Variants in TBC1D23 observed in about 807,000 individuals in gnomAD.
The protein encoded by TBC1D23 is TBC1 domain family member 23, also known as HCV non-structural protein 4A-transactivated protein 1.
TBC1D23 carries 55 observed loss-of-function variants against 91.4 expected under a neutral mutation model. The observed-to-expected ratio is 0.60, with a 90% CI of 0.48 to 0.75. The LOEUF is 0.75. TBC1D23 is among the 30% of genes least tolerant of loss of function. The pLI is 0.00. For missense variants in TBC1D23, 725 were observed against 836.1 expected (o/e 0.87, Z 1.64); for synonymous variants, 289 against 281.0 (o/e 1.03, Z -0.28).
intron 2 of TBC1D23, among the ~76,000 whole-genome samples, chr3:100,281,466 AATTG>A (rs1181682985): frequency 1.3e-5 from 2 of 152,364 alleles, no homozygotes; most frequent in East Asian, 1.9e-4. Flanking sequence ...ACATTAAAAA[AATTG>A]ATTGTGTAAA....
At chr3:100,284,541 A>C (rs1412296837) in intron 4 of TBC1D23, among the ~76,000 whole-genome samples, 3 of 152,132 alleles carry the variant, frequency 2.0e-5, no homozygotes, top group Non-Finnish European at 2.9e-5. Flanking sequence ...AGAAAGGTGA[A>C]ATATAGAGTG....
chr3:100,279,843 C>A, intron 2 of TBC1D23, 83 bp downstream of exon 2: 2 of 800,728 alleles, frequency 2.5e-6, no homozygotes, highest in Non-Finnish European at 4.0e-6. Context: ...GTCTTAGTTG[C>A]AGAAAACTTT....
At position 100,281,907 on chromosome 3, in the gene TBC1D23, G is replaced by A. The variant is rs2148854886; in HGVS notation, c.271+60G>A. The A allele has an allele frequency of 1.1e-5, 11 of 961,800 alleles. 1 individual carries two copies. The South Asian group carries it at 1.5e-4, about 13-fold the overall frequency. 59.6% of individuals were successfully genotyped at this position (961,800 alleles called of 1,614,324 possible). A position where few individuals can be genotyped will look rare whatever the true frequency, so the allele number is the denominator to read the frequency against. On this transcript the variant is annotated intron_variant, in intron 3 of 18. Coordinates refer to ENST00000394144, the MANE Select transcript of TBC1D23 (RefSeq NM_001199198.3). The stretch of plus-strand genomic sequence containing the variant: ...TTTTGGAAATAATTTTTGGGTTGAG[G>A]AATCACTCTTCAGAATAATCTTATA...
At chr3:100,272,471 AAAATGGCCATACTGCCC>A (rs1275944038) in intron 1 of TBC1D23, among the ~76,000 whole-genome samples, 1 of 152,132 alleles carries the variant, frequency 6.6e-6, no homozygotes, top group East Asian at 1.9e-4. Flanking sequence ...TAATATTGTT[AAAATGGCCATACTGCCC>A]AAAGCTGAAG....
At chr3:100,306,005 G>A (rs200674560) in intron 12 of TBC1D23, among the ~76,000 whole-genome samples, 13 of 152,130 alleles carry the variant, frequency 8.5e-5, no homozygotes, top group African/African-American at 2.2e-4. Context: ...CTCTCTTTCC[G>A]TAACTGTTAA....
chr3:100,308,429 C>T (rs1705555855), intron 13 of TBC1D23, among the ~76,000 whole-genome samples: 1 of 151,970 alleles, frequency 6.6e-6, no homozygotes, highest in African/African-American at 2.4e-5. Flanking sequence ...GAGCCCACAT[C>T]CCGCCACTGC....
chr3:100,308,423 C>G (rs1001097654), intron 13 of TBC1D23, among the ~76,000 whole-genome samples: 5 of 151,854 alleles, frequency 3.3e-5, no homozygotes, highest in African/African-American at 1.2e-4. Context: ...TGCAGTGAGC[C>G]CACATCCCGC....
At chr3:100,288,089 T>G (rs924661731) in intron 4 of TBC1D23, among the ~76,000 whole-genome samples, 2 of 151,756 alleles carry the variant, frequency 1.3e-5, no homozygotes, top group Non-Finnish European at 2.9e-5. Flanking sequence ...AAAAAAAATT[T>G]TTTTAATTAG....
Position 100,324,791 on chromosome 3 carries a change from A to G in TBC1D23, c.*1123A>G, listed in dbSNP as rs1424752200. The G allele has an allele frequency of 1.3e-5, 2 of 152,242 alleles. No homozygotes were observed. The highest frequency in any genetic ancestry group is 4.8e-5 in the African/African-American group (2 of 41,470). The allele number at this position is 152,242 out of a possible 1,614,324, so 9.4% of individuals were successfully genotyped here. On this transcript the variant is annotated 3_prime_UTR_variant, in exon 19 of 19. Coordinates refer to ENST00000394144, the MANE Select transcript of TBC1D23 (RefSeq NM_001199198.3). ...TCCAGGAACACATTTAGGGCCATGG[A>G]ATAGTATTTTGTAAAATCCATTTGG...
intron 4 of TBC1D23, among the ~76,000 whole-genome samples, chr3:100,288,718 CTTG>C (rs1485284981): frequency 6.6e-6 from 1 of 152,122 alleles, no homozygotes; most frequent in South Asian, 2.1e-4. Flanking sequence ...GCCTCCTTCC[CTTG>C]TAATAGTAGA....
At chr3:100,308,579 A>T (rs765166977) in intron 13 of TBC1D23, among the ~76,000 whole-genome samples, 23 of 152,232 alleles carry the variant, frequency 1.5e-4, no homozygotes, top group African/African-American at 4.6e-4. Flanking sequence ...GTTACCAGAG[A>T]TAATTTTGCC....
intron 15 of TBC1D23, among the ~76,000 whole-genome samples, chr3:100,314,984 G>A (rs1485372498): frequency 1.3e-5 from 2 of 152,004 alleles, no homozygotes; most frequent in Non-Finnish European, 2.9e-5. Flanking sequence ...GAAACATGTA[G>A]TATTTTATTG....
rs563360445 is a variant in TBC1D23 at position 100,272,101 on chromosome 3, G to A, written c.54-7548G>A. Reference sequence around the variant, plus strand: ...ATTATTTTCTCCACTCAAAAATTGAGCCACATGTTTTTATATCTTTTAAGT... The same window carrying A: ...ATTATTTTCTCCACTCAAAAATTGAACCACATGTTTTTATATCTTTTAAGT... On this transcript the variant is annotated intron_variant, in intron 1 of 18. Transcript: ENST00000394144. 2.7e-4 allele frequency among the ~76,000 whole-genome samples: 41 copies of A among 152,244 alleles called. 1 individual carries two copies. In the South Asian group the frequency reaches 8.3e-3, roughly 31 times the overall value.
chr3:100,308,986 C>T (rs1056823634), intron 13 of TBC1D23, among the ~76,000 whole-genome samples: 15 of 152,130 alleles, frequency 9.9e-5, no homozygotes, highest in African/African-American at 2.4e-4. Flanking sequence ...TATGGGAATC[C>T]GAGGCAGATG....
intron 18 of TBC1D23, among the ~76,000 whole-genome samples, chr3:100,322,243 C>T (rs1034441582): frequency 3.3e-5 from 5 of 152,022 alleles, no homozygotes; most frequent in African/African-American, 9.7e-5. Context: ...TAGAGGCGCC[C>T]GCCACCATGC....
chr3:100,283,541 G>A, intron 3 of TBC1D23, 66 bp from the exon 4 acceptor site: 2 of 971,558 alleles, frequency 2.1e-6, no homozygotes, highest in South Asian at 1.4e-5. Flanking sequence ...TTGTAAACAA[G>A]TGTTATGTCC....
At position 100,323,747 on chromosome 3, in the gene TBC1D23, T is replaced by C. The variant is rs1484780277; in HGVS notation, c.*79T>C. ...ATATACCTCCTGACTGAATACTAAC[T>C]GGAGACCTTTCATTTGCTCATGGGG... is the stretch of plus-strand genomic sequence containing the variant. On this transcript the variant is annotated 3_prime_UTR_variant, in exon 19 of 19. Transcript: ENST00000394144. 5.1e-6 allele frequency: 3 copies of C among 585,150 alleles called. No individual in the cohort carries two copies. Among genetic ancestry groups the C allele is most frequent in the African/African-American group, 4.0e-5 (2 of 50,574 alleles). The allele number at this position is 585,150 out of a possible 1,614,324, so 36.2% of individuals were successfully genotyped here.
intron 1 of TBC1D23, among the ~76,000 whole-genome samples, chr3:100,269,887 C>G (rs1277227757): frequency 6.6e-6 from 1 of 152,134 alleles, no homozygotes; most frequent in East Asian, 1.9e-4. Flanking sequence ...ACTCACTGTT[C>G]CACAATTTGC....
intron 16 of TBC1D23, among the ~76,000 whole-genome samples, chr3:100,317,912 A>C (rs1412996277): frequency 6.6e-6 from 1 of 151,824 alleles, no homozygotes; most frequent in East Asian, 1.9e-4. Context: ...GGAAGAATGC[A>C]GTTGAGTAGT....
Sources: gnomAD v4.1 joint callset for allele counts (sites outside exome capture counted in the v4.1 genomes callset) on GRCh38, gnomAD v4.1.1 for gene constraint, MANE v1.5 for transcripts, NCBI Gene and HGNC (gene_info 2026-07-23, HGNC 2026-07-21) for gene names.